The following FREM1 variants were observed in gnomAD, a reference collection of about 807,000 sequenced individuals.
The protein encoded by FREM1 is FRAS1 related extracellular matrix 1, also known as FRAS1-related extracellular matrix protein 1.
FREM1 carries 220 observed loss-of-function variants against 210.1 expected under a neutral mutation model. The observed-to-expected ratio is 1.05, with a 90% confidence interval of 0.94 to 1.17. The LOEUF (loss-of-function observed/expected upper bound fraction) is 1.17. FREM1 is among the 50% of genes most tolerant of loss of function. FREM1 has a pLI of 0.00. For missense variants in FREM1, 3,454 were observed against 2,675.5 expected (o/e 1.29, Z -6.42); for synonymous variants, 1,189 against 980.2 (o/e 1.21, Z -3.98).
At chr9:14,799,697 C>T (rs1300238080) in intron 20 of FREM1, among the ~76,000 whole-genome samples, 1 of 151,852 alleles carries the variant, frequency 6.6e-6, no homozygotes, top group Non-Finnish European at 1.5e-5. Flanking sequence ...TTATTTGTAG[C>T]ATGTGGTTTA....
At position 14,737,508 on chromosome 9, in the gene FREM1, T is replaced by G. The variant is rs10961689; in HGVS notation, c.6428A>C (p.Gln2143Pro). 1,178,115 of 1,612,218 alleles carry G rather than the reference T, an allele frequency of 0.73. 431,661 individuals carry two copies. The highest frequency in any genetic ancestry group is 0.8 in the Middle Eastern group (4,841 of 6,060). The change falls in exon 37 of 37, where the codon CAA becomes CCA. Residue 2143 changes from glutamine to proline, a missense_variant. Coordinates refer to ENST00000380880, the MANE Select transcript of FREM1 (RefSeq NM_001379081.2). ...AFTNGRRGPS[Q>P]RSKLGKSCVL... Reference sequence around the variant, plus strand: ...ACAGCTCTTTCCAAGCTTGGAGCGTTGAGAGGGCCCTCTTCTCCCATTGGT... The same window carrying G: ...ACAGCTCTTTCCAAGCTTGGAGCGTGGAGAGGGCCCTCTTCTCCCATTGGT...
At chr9:14,898,471 G>A (rs1838162038) in intron 1 of FREM1, among the ~76,000 whole-genome samples, 1 of 152,186 alleles carries the variant, frequency 6.6e-6, no homozygotes, top group Non-Finnish European at 1.5e-5. Flanking sequence ...GCCGGGTGTG[G>A]TGGCTCACAC....
chr9:14,859,273 G>C lies in FREM1; in HGVS notation c.541C>G (p.Arg181Gly). The change falls in exon 4 of 37, where the codon CGG becomes GGG. Residue 181 changes from arginine to glycine, a missense_variant. Coordinates refer to ENST00000380880, the MANE Select transcript of FREM1 (RefSeq NM_001379081.2). ...CTVSLDTARTRLPAHGQMVLG... is the reference protein window; with the variant it reads ...CTVSLDTARTGLPAHGQMVLG... ...ACCATCTGGCCATGGGCTGGCAGCC[G>C]AGTTCTCGCAGTGTCCAGGCTGACG... 1 of 1,613,668 alleles carries C rather than the reference G, an allele frequency of 6.2e-7. No individual in the cohort carries two copies. The highest frequency in any genetic ancestry group is 1.3e-5 in the African/African-American group (1 of 75,006).
chr9:14,836,060 G>C lies in FREM1; in HGVS notation c.1881+5387C>G, dbSNP rs561451172. Among the ~76,000 whole-genome samples the C allele has an allele frequency of 6.6e-6, 1 of 152,332 alleles. No individual in the cohort carries two copies. Among genetic ancestry groups the C allele is most frequent in the Non-Finnish European group, 1.5e-5 (1 of 68,032 alleles). On this transcript the variant is annotated intron_variant, in intron 10 of 36. Transcript: ENST00000380880. The surrounding 1 kb of genome is among the most constrained non-coding windows in gnomAD (Gnocchi z 4.9). ...TGCAACTTCTGCCGGGTAATGAAAA[G>C]TGAGTAAGGTGCCCATAACTCTGAG...
intron 30 of FREM1, 35 bp downstream of exon 30, chr9:14,750,092 C>T (rs764352960): frequency 8.7e-6 from 14 of 1,609,164 alleles, no homozygotes; most frequent in East Asian, 2.2e-5. Context: ...GCGCCAGGAC[C>T]GCTCCTGATT....
intron 27 of FREM1, among the ~76,000 whole-genome samples, chr9:14,768,686 T>C (rs1425875360): frequency 6.6e-6 from 1 of 152,160 alleles, no homozygotes; most frequent in African/African-American, 2.4e-5. Flanking sequence ...CTAGCTTTTT[T>C]CTGACAATGA....
At position 14,819,270 on chromosome 9, in the gene FREM1, G is replaced by A. The variant is rs376119702; in HGVS notation, c.2510C>T (p.Thr837Ile). 5 of 1,613,490 alleles carry A rather than the reference G, an allele frequency of 3.1e-6. No individual in the cohort carries two copies. The highest frequency in any genetic ancestry group is 2.2e-5 in the South Asian group (2 of 91,022). Residue 837 changes from threonine (T) to isoleucine (I), a missense_variant, in exon 14 of 37, where the codon ACA becomes ATA. Transcript: ENST00000380880. ...LNGFPLNSGG[T>I]FSWGDLHTLK... is the part of the protein sequence containing the mutation. ...GGTATGGAGATCGCCCCAAGAAAATGTGCCCCCTGAATTTAGAGGAAATCC... is the reference window on the plus strand; with the variant it reads ...GGTATGGAGATCGCCCCAAGAAAATATGCCCCCTGAATTTAGAGGAAATCC...
intron 10 of FREM1, among the ~76,000 whole-genome samples, chr9:14,840,707 A>G (rs1825531265): frequency 6.6e-6 from 1 of 152,130 alleles, no homozygotes; most frequent in African/African-American, 2.4e-5. Context: ...TCAGTAGGTG[A>G]TTACTTAATT....
intron 1 of FREM1, among the ~76,000 whole-genome samples, chr9:14,871,530 A>G (rs994789951): frequency 6.6e-6 from 1 of 151,994 alleles, no homozygotes; most frequent in African/African-American, 2.4e-5. Flanking sequence ...AATTTGTTTG[A>G]GTTCATTGTA....
At chr9:14,811,461 TC>T (rs1819390288) in intron 16 of FREM1, among the ~76,000 whole-genome samples, 1 of 152,186 alleles carries the variant, frequency 6.6e-6, no homozygotes, top group African/African-American at 2.4e-5. Flanking sequence ...TTTCTGCCAG[TC>T]TATTTCAGAT....
At chr9:14,763,557 T>C (rs987290589) in intron 27 of FREM1, among the ~76,000 whole-genome samples, 9 of 152,120 alleles carry the variant, frequency 5.9e-5, no homozygotes, top group Admixed American at 5.9e-4. Context: ...AAAACCACTG[T>C]TGTAAGTGGA....
intron 1 of FREM1, among the ~76,000 whole-genome samples, chr9:14,882,912 C>CAAAAAAAAAA (rs71323913): frequency 0.046 from 2,096 of 45,318 alleles, 420 homozygotes; most frequent in East Asian, 0.14. Context: ...GACTCCATCT[C>CAAAAAAAAAA]AAAAAAAAAA....
intron 35 of FREM1, among the ~76,000 whole-genome samples, chr9:14,741,937 T>C (rs754616541): frequency 3.3e-5 from 5 of 152,214 alleles, no homozygotes; most frequent in Non-Finnish European, 5.9e-5. Flanking sequence ...TTCGGTTTTC[T>C]TTTTGACTCT....
chr9:14,835,404 C>T (rs1824371770), intron 10 of FREM1, among the ~76,000 whole-genome samples: 1 of 152,224 alleles, frequency 6.6e-6, no homozygotes, highest in Admixed American at 6.5e-5. Flanking sequence ...GTCAACAGGA[C>T]ACAGTTGGAA....
At chr9:14,777,341 A>G (rs1405608096) in intron 24 of FREM1, among the ~76,000 whole-genome samples, 1 of 152,344 alleles carries the variant, frequency 6.6e-6, no homozygotes, top group Non-Finnish European at 1.5e-5. Flanking sequence ...GATTAAGAGT[A>G]TCATGAAATT....
intron 10 of FREM1, among the ~76,000 whole-genome samples, chr9:14,834,443 A>G (rs1326912958): frequency 6.6e-6 from 1 of 152,232 alleles, no homozygotes; most frequent in Admixed American, 6.5e-5. Context: ...ATTTCACCTC[A>G]TGGTCAAATT....
intron 1 of FREM1, among the ~76,000 whole-genome samples, chr9:14,908,722 T>A (rs1462693446): frequency 2.6e-5 from 4 of 152,220 alleles, no homozygotes; most frequent in African/African-American, 9.6e-5. Context: ...GAATTTCATG[T>A]CAAGGACAAT....
intron 7 of FREM1, among the ~76,000 whole-genome samples, chr9:14,846,994 G>A (rs1438165178): frequency 6.6e-6 from 1 of 152,192 alleles, no homozygotes; most frequent in Non-Finnish European, 1.5e-5. Flanking sequence ...GGCTGATCAG[G>A]CCCTGCACCA....
rs1850653242 is a variant in FREM1 at position 14,787,842 on chromosome 9, G to A, written c.4177+1077C>T. Among the ~76,000 whole-genome samples, 3 of 152,138 alleles carry A rather than the reference G, an allele frequency of 2.0e-5. No individual in the cohort carries two copies. The South Asian group carries it at 6.2e-4, about 32-fold the overall frequency. ...ATGATGAACATAGTTGTTTTGCAGG[G>A]AGAGATAAATGTGTACAGTAACATC... On this transcript the variant is annotated intron_variant, in intron 23 of 36. Coordinates refer to ENST00000380880, the MANE Select transcript of FREM1 (RefSeq NM_001379081.2).
Sources: gnomAD v4.1 joint callset for allele counts (sites outside exome capture counted in the v4.1 genomes callset) on GRCh38, gnomAD v4.1.1 for gene constraint, Gnocchi (gnomAD v3.1) non-coding constraint, MANE v1.5 for transcripts, NCBI Gene and HGNC (gene_info 2026-07-23, HGNC 2026-07-21) for gene names.